ATP6V1B1: variants seen among roughly 807,000 people sequenced by gnomAD.
ATP6V1B1 encodes ATPase H+ transporting V1 subunit B1, also known as V-type proton ATPase subunit B, kidney isoform.
ATP6V1B1 carries 41 observed loss-of-function variants against 62.1 expected under a neutral mutation model. The observed-to-expected ratio is 0.66, with a 90% CI of 0.51 to 0.86. ATP6V1B1 has a LOEUF of 0.86. Ranked by LOEUF, ATP6V1B1 falls within the 40% of genes least tolerant of loss-of-function variation. ATP6V1B1 has a pLI of 0.00. For missense variants in ATP6V1B1, 651 were observed against 697.5 expected, an observed-to-expected ratio of 0.93 and a Z score of 0.75; for synonymous variants, 253 against 273.4, an observed-to-expected ratio of 0.93 and a Z score of 0.74.
intron 1 of ATP6V1B1, chr2:70,939,931 G>C (rs1026330643): frequency 6.6e-6 from 1 of 152,262 alleles, no homozygotes; most frequent in African/African-American, 2.4e-5. Context: ...TGGAGGCTGC[G>C]AGAAGCCCAG....
chr2:70,945,786 C>T (rs1190928710), intron 2 of ATP6V1B1, among the ~76,000 whole-genome samples: 1 of 138,690 alleles, frequency 7.2e-6, no homozygotes, highest in African/African-American at 2.6e-5. Context: ...AACACTAGAA[C>T]TTATTGCTCC....
rs561769246 is a variant in ATP6V1B1 at position 70,943,991 on chromosome 2, C to CT, written c.174+279dup. ...CTCCTACTATCCCTAACAAGCTGTC[C>CT]TGCCTCCGTTTCCCTATCAGTGGCA... On this transcript the variant is annotated intron_variant, in intron 2 of 13. Transcript: ENST00000234396. 1.1e-3 allele frequency: 1,110 copies of CT among 983,458 alleles called. 2 individuals are homozygous for CT. The highest frequency in any genetic ancestry group is 1.3e-3 in the Non-Finnish European group (1,081 of 828,166). The allele number at this position is 983,458 out of a possible 1,614,324, so 60.9% of individuals were successfully genotyped here.
intron 2 of ATP6V1B1, among the ~76,000 whole-genome samples, chr2:70,954,276 T>TA (rs1315409055): frequency 2.6e-5 from 4 of 152,244 alleles, no homozygotes; most frequent in Non-Finnish European, 4.4e-5. Context: ...TATATTGACA[T>TA]ACAGCTTTTC....
At chr2:70,958,192 C>T (rs1680490742) in intron 3 of ATP6V1B1, 48 bp downstream of exon 3, 2 of 1,592,062 alleles carry the variant, frequency 1.3e-6, no homozygotes, top group Non-Finnish European at 1.7e-6. Flanking sequence ...ATGAATTAAC[C>T]CATAAAGTTC....
At chr2:70,964,112 GTATT>G (rs1203936754) in intron 11 of ATP6V1B1, 9 of 158,358 alleles carry the variant, frequency 5.7e-5, no homozygotes, top group South Asian at 7.6e-5. Flanking sequence ...TGCTTGGCAG[GTATT>G]TTTTTTTTTT....
chr2:70,950,154 G>A (rs1680285944), intron 2 of ATP6V1B1, among the ~76,000 whole-genome samples: 1 of 151,860 alleles, frequency 6.6e-6, no homozygotes, highest in African/African-American at 2.4e-5. Context: ...ATAAAATCTG[G>A]GATCTCCTTC....
At chr2:70,945,699 GAGATATATATATATATATATATATAT>G (rs1434766372) in intron 2 of ATP6V1B1, among the ~76,000 whole-genome samples, 23 of 70,114 alleles carry the variant, frequency 3.3e-4, no homozygotes, top group East Asian at 9.9e-4. Flanking sequence ...GCTATTTGAA[GAGATATATATATATATATATATATAT>G]ATATATATAT....
chr2:70,959,973 CG>C lies in ATP6V1B1; in HGVS notation c.481del (p.Glu161ArgfsTer3). ...PINPHSRIYP[E>X]EMIQTGISPI... The stretch of plus-strand genomic sequence containing the variant: ...TCAACCCGCACTCCCGCATCTACCC[CG>C]AGGAGATGATTCAGACGGGCATTTC... On this transcript the variant is annotated frameshift_variant, in exon 6 of 14. Transcript: ENST00000234396. LOFTEE classifies it high-confidence loss of function. This position sits in a 1 kb window ranked among gnomAD's most constrained non-coding sequence, Gnocchi z 4.2. 3 of 1,614,206 alleles carry C rather than the reference CG, an allele frequency of 1.9e-6. No homozygotes were observed. The highest frequency in any genetic ancestry group is 2.5e-6 in the Non-Finnish European group (3 of 1,180,034).
Position 70,935,978 on chromosome 2 carries a change from G to GC in ATP6V1B1, c.26dup (p.Gly10TrpfsTer7), listed in dbSNP as rs2104795239. On this transcript the variant is annotated frameshift_variant, in exon 1 of 14. Coordinates refer to ENST00000234396, the MANE Select transcript of ATP6V1B1 (RefSeq NM_001692.4). LOFTEE classifies it high-confidence loss of function. ...CCATGGCCATGGAGATAGACAGCAG[G>GC]CCTGGGGGGCTCCCCGGCAGTAGCT... 6.2e-7 allele frequency: 1 copy of GC among 1,613,920 alleles called. No homozygotes were observed. The highest frequency in any genetic ancestry group is 8.5e-7 in the Non-Finnish European group (1 of 1,179,934).
chr2:70,942,880 C>G (rs1394385155), intron 1 of ATP6V1B1, among the ~76,000 whole-genome samples: 1 of 152,226 alleles, frequency 6.6e-6, no homozygotes, highest in Non-Finnish European at 1.5e-5. Context: ...TGTCCCAGGT[C>G]TCTCAGCCAG....
Position 70,963,141 on chromosome 2 carries a change from CA to C in ATP6V1B1, c.910-20del. 6.2e-7 allele frequency: 1 copy of C among 1,614,100 alleles called. No homozygotes were observed. The highest frequency in any genetic ancestry group is 1.3e-5 in the African/African-American group (1 of 75,052). ...CAGCCTCTCATCCCCTTTCTTACCCCAGTGCCCATGGATATTGCAGGTCTCT... is the reference window on the plus strand; with the variant it reads ...CAGCCTCTCATCCCCTTTCTTACCCCGTGCCCATGGATATTGCAGGTCTCT... On this transcript the variant is annotated intron_variant, in intron 9 of 13. Coordinates refer to ENST00000234396, the MANE Select transcript of ATP6V1B1 (RefSeq NM_001692.4). This position sits in a 1 kb window ranked among gnomAD's most constrained non-coding sequence, Gnocchi z 4.3.
chr2:70,956,137 C>A, intron 2 of ATP6V1B1: 1 of 220,688 alleles, frequency 4.5e-6, no homozygotes, highest in South Asian at 8.8e-5. Flanking sequence ...TGCCTGTTCT[C>A]TTTTTACAAT....
intron 11 of ATP6V1B1, chr2:70,964,127 T>TTTTTTTTTTG: frequency 3.3e-6 from 1 of 307,536 alleles, no homozygotes; most frequent in Non-Finnish European, 6.0e-6. Flanking sequence ...TTTTTTTTTT[T>TTTTTTTTTTG]TTTTTTTTTG....
chr2:70,942,776 C>A (rs1680035777), intron 1 of ATP6V1B1, among the ~76,000 whole-genome samples: 1 of 152,212 alleles, frequency 6.6e-6, no homozygotes, highest in Non-Finnish European at 1.5e-5. Context: ...CCCCTGCCCA[C>A]CTTGCCAAAT....
intron 6 of ATP6V1B1, 51 bp from the exon 7 acceptor site, chr2:70,960,870 A>G (rs781967248): frequency 2.0e-6 from 3 of 1,497,892 alleles, no homozygotes; most frequent in African/African-American, 2.8e-5. Flanking sequence ...TCAGTGGGAC[A>G]GGGGTCAGCT....
At chr2:70,938,333 C>T (rs1268848000) in intron 1 of ATP6V1B1, among the ~76,000 whole-genome samples, 1 of 152,082 alleles carries the variant, frequency 6.6e-6, no homozygotes, top group African/African-American at 2.4e-5. Context: ...GGGCTGCACC[C>T]TCAGTACGCC....
chr2:70,961,895 C>T (rs1680596559), intron 8 of ATP6V1B1: 1 of 625,236 alleles, frequency 1.6e-6, no homozygotes, highest in Non-Finnish European at 2.9e-6. Context: ...CAGAACATGA[C>T]TCTGTCTGCT....
rs782313877 is a variant in ATP6V1B1, at chr2:70,964,447, C to T, written c.1153C>T (p.Pro385Ser). Residue 385 changes from proline (P) to serine (S), a missense_variant, in exon 12 of 14, where the codon CCC (proline) becomes TCC (serine). Coordinates refer to ENST00000234396, the MANE Select transcript of ATP6V1B1 (RefSeq NM_001692.4). ...TTTTCTTCTCCCTCAGATCTACCCCCCCATCAACGTGCTCCCTTCCCTGTC... is the reference window on the plus strand; with the variant it reads ...TTTTCTTCTCCCTCAGATCTACCCCTCCATCAACGTGCTCCCTTCCCTGTC... ...RQLHNRQIYP[P>S]INVLPSLSRL... 3 of 1,614,126 alleles carry T rather than the reference C, an allele frequency of 1.9e-6. No individual in the cohort carries two copies. The highest frequency in any genetic ancestry group is 2.5e-6 in the Non-Finnish European group (3 of 1,180,036).
In ATP6V1B1 at chr2:70,962,915, A is replaced by T; in HGVS notation, c.909+15A>T. 1.9e-6 allele frequency: 3 copies of T among 1,613,748 alleles called. No individual in the cohort carries two copies. Among genetic ancestry groups the T allele is most frequent in the Non-Finnish European group, 2.5e-6 (3 of 1,179,972 alleles). On this transcript the variant is annotated intron_variant, in intron 9 of 13. Transcript: ENST00000234396. Reference sequence around the variant, plus strand: ...CCTTGCGGGAGGTAAGCTGGCTAGCAAGGGGTGTCAGATTCCTCCCTACCC... The same window carrying T: ...CCTTGCGGGAGGTAAGCTGGCTAGCTAGGGGTGTCAGATTCCTCCCTACCC...
Sources: allele counts gnomAD v4.1 joint callset (sites outside exome capture counted in the v4.1 genomes callset), GRCh38; gene constraint gnomAD v4.1.1; non-coding constraint Gnocchi (gnomAD v3.1); transcripts MANE v1.5; gene names NCBI Gene and HGNC (gene_info 2026-07-23, HGNC 2026-07-21).